Variants in CCDC149 observed in about 807,000 individuals in gnomAD.
CCDC149 encodes the protein coiled-coil domain-containing protein 149.
In CCDC149, 45 loss-of-function variants were observed where a neutral mutation model predicts 59.9. That is an observed-to-expected ratio of 0.75 (90% confidence interval 0.59 to 0.96). The LOEUF is 0.96. Among genes scored for constraint, CCDC149 ranks in the 40% least tolerant of loss-of-function variants. The pLI, the probability that CCDC149 is intolerant of heterozygous loss-of-function variation, is 0.00. For missense variants in CCDC149, 584 were observed against 664.7 expected, an observed-to-expected ratio of 0.88 and a Z score of 1.33; for synonymous variants, 245 against 260.6, an observed-to-expected ratio of 0.94 and a Z score of 0.58.
intron 4 of CCDC149, among the ~76,000 whole-genome samples, chr4:24,839,063 GA>G (rs1716755708): frequency 1.7e-5 from 1 of 60,016 alleles, no homozygotes. Flanking sequence ...CACACACACA[GA>G]GAGAGAGAGA....
rs1347194574 is a variant in CCDC149, at chr4:24,807,385, GCT to G, written c.*1002_*1003del. On this transcript the variant is annotated 3_prime_UTR_variant, in exon 13 of 13. Transcript: ENST00000635206. ...CTCTCTTTCCCATAAAAGGTCATGA[GCT>G]CTGTTTCTGTCTTTAAGATTCCCGT... The G allele has an allele frequency of 2.6e-5, 4 of 152,242 alleles. No homozygotes were observed. Among genetic ancestry groups the G allele is most frequent in the African/African-American group, 9.7e-5 (4 of 41,420 alleles). 9.4% of individuals were successfully genotyped at this position (152,242 alleles called of 1,614,324 possible).
intron 1 of CCDC149, among the ~76,000 whole-genome samples, chr4:24,897,606 T>G (rs1353868184): frequency 6.6e-6 from 1 of 152,158 alleles, no homozygotes; most frequent in Non-Finnish European, 1.5e-5. Context: ...TGCAGTCTTC[T>G]TCCCTAAGCA....
intron 1 of CCDC149, among the ~76,000 whole-genome samples, chr4:24,881,051 T>A (rs1281448735): frequency 6.6e-6 from 1 of 152,204 alleles, no homozygotes; most frequent in Non-Finnish European, 1.5e-5. Flanking sequence ...TTTCTCTGCC[T>A]TGTCTAAGAC....
chr4:24,894,492 G>C (rs1482214010), intron 1 of CCDC149, among the ~76,000 whole-genome samples: 2 of 152,104 alleles, frequency 1.3e-5, no homozygotes, highest in East Asian at 1.9e-4. Flanking sequence ...TCTCCTCCTT[G>C]TTGGTGTCTT....
rs1714238021 is a variant in CCDC149, at chr4:24,807,111, G to A, written c.*1278C>T. On this transcript the variant is annotated 3_prime_UTR_variant, in exon 13 of 13. Transcript: ENST00000635206. ...TTCCTGCAAGGAGCGCCTCTCAAAG[G>A]AGTGATTCTGGTTCTCAGAGGCATT... The A allele has an allele frequency of 6.6e-6, 1 of 152,186 alleles. No individual in the cohort carries two copies. The highest frequency in any genetic ancestry group is 2.4e-5 in the African/African-American group (1 of 41,440). 9.4% of individuals were successfully genotyped at this position (152,186 alleles called of 1,614,324 possible).
chr4:24,840,172 G>C (rs1441633813), intron 4 of CCDC149, among the ~76,000 whole-genome samples: 1 of 152,104 alleles, frequency 6.6e-6, no homozygotes, highest in Non-Finnish European at 1.5e-5. Flanking sequence ...ACTTACTTTG[G>C]GTCCTTATTT....
Position 24,951,394 on chromosome 4 carries a change from T to C in CCDC149, c.-65+28675A>G, listed in dbSNP as rs560097409. On this transcript the variant is annotated intron_variant, in intron 1 of 12. Coordinates refer to the CCDC149 transcript ENST00000389609. ...ACAGCAAATATGCCATAGTCAGTCA[T>C]AGAGGTAAATAATAATACAACTTCA... is the stretch of plus-strand genomic sequence containing the variant. Among the ~76,000 whole-genome samples, 14 of 152,248 alleles carry C rather than the reference T, an allele frequency of 9.2e-5. No homozygotes were observed. The East Asian group carries it at 2.3e-3, about 25-fold the overall frequency.
chr4:24,974,369 T>A (rs1045635479), intron 1 of CCDC149, among the ~76,000 whole-genome samples: 3 of 152,236 alleles, frequency 2.0e-5, no homozygotes, highest in Admixed American at 6.5e-5. Flanking sequence ...CTTTGCTTTT[T>A]CAGCAATTCC....
chr4:24,859,498 CA>C lies in CCDC149; in HGVS notation c.265-6320del, dbSNP rs1693805619. Among the ~76,000 whole-genome samples, 3 of 151,912 alleles carry C rather than the reference CA, an allele frequency of 2.0e-5. No individual in the cohort carries two copies. In the East Asian group the frequency reaches 5.8e-4, roughly 29 times the overall value. On this transcript the variant is annotated intron_variant, in intron 3 of 12. Transcript: ENST00000635206. ...AACCCACAGCCAACATTATGCTGAA[CA>C]GGGAAAAGTTGAAAGCATTCCCCCT...
At chr4:24,820,017 T>C in intron 11 of CCDC149, 42 bp from the exon 12 acceptor site, 6 of 1,440,660 alleles carry the variant, frequency 4.2e-6, no homozygotes, top group Non-Finnish European at 5.7e-6. Flanking sequence ...ATATCATCAG[T>C]GGAGTTGGGT....
intron 3 of CCDC149, among the ~76,000 whole-genome samples, chr4:24,853,510 C>T (rs1177028073): frequency 1.3e-5 from 2 of 151,300 alleles, no homozygotes; most frequent in Non-Finnish European, 2.9e-5. Context: ...ATTGCTTGAG[C>T]CCGGGAGGCG....
intron 1 of CCDC149, among the ~76,000 whole-genome samples, chr4:24,881,939 G>C (rs539588253): frequency 3.3e-5 from 5 of 152,280 alleles, no homozygotes; most frequent in African/African-American, 1.2e-4. Context: ...GCTCATTACA[G>C]AGCCAAGCCT....
At chr4:24,821,271 A>AT (rs1327944596) in intron 10 of CCDC149, among the ~76,000 whole-genome samples, 184 bp from the exon 11 acceptor site, 7 of 152,194 alleles carry the variant, frequency 4.6e-5, no homozygotes, top group Non-Finnish European at 7.3e-5. Context: ...TTTGAGAAAA[A>AT]AAAAAATAAA....
chr4:24,862,893 T>C (rs1182313739), intron 3 of CCDC149, among the ~76,000 whole-genome samples: 2 of 152,228 alleles, frequency 1.3e-5, no homozygotes, highest in Non-Finnish European at 2.9e-5. Flanking sequence ...TAAAATTGTA[T>C]GCTTTTGTCT....
chr4:24,844,573 G>A (rs1034946663), intron 4 of CCDC149, among the ~76,000 whole-genome samples: 4 of 152,054 alleles, frequency 2.6e-5, no homozygotes, highest in Admixed American at 2.0e-4. Context: ...AGGAGTTCGA[G>A]GACAGCCTGG....
At chr4:24,840,516 C>T (rs748072735) in intron 4 of CCDC149, among the ~76,000 whole-genome samples, 2 of 152,096 alleles carry the variant, frequency 1.3e-5, no homozygotes, top group African/African-American at 2.4e-5. Flanking sequence ...CACGTTCCCA[C>T]GGAGGTCAAA....
intron 1 of CCDC149, among the ~76,000 whole-genome samples, chr4:24,935,593 C>A (rs935512790): frequency 2.0e-5 from 3 of 152,142 alleles, no homozygotes; most frequent in Admixed American, 2.0e-4. Flanking sequence ...CTTGCCCCTT[C>A]CATCACGTGA....
intron 1 of CCDC149, among the ~76,000 whole-genome samples, chr4:24,976,744 G>A (rs1724216817): frequency 6.6e-6 from 1 of 152,052 alleles, no homozygotes; most frequent in African/African-American, 2.4e-5. Flanking sequence ...CAAAAAGTGT[G>A]CCATCATCTG....
intron 1 of CCDC149, among the ~76,000 whole-genome samples, chr4:24,971,025 C>T (rs1048239595): frequency 9.9e-5 from 15 of 152,198 alleles, no homozygotes; most frequent in Admixed American, 5.2e-4. Flanking sequence ...TGGCCTTTGA[C>T]ATAATAACTG....
Sources: allele counts gnomAD v4.1 joint callset (sites outside exome capture counted in the v4.1 genomes callset), GRCh38; gene constraint gnomAD v4.1.1; transcripts MANE v1.5; gene names NCBI Gene and HGNC (gene_info 2026-07-23, HGNC 2026-07-21).